The following CAND1 variants were observed in gnomAD, a reference collection of about 807,000 sequenced individuals.
The protein encoded by CAND1 is cullin-associated NEDD8-dissociated protein 1.
In CAND1, 7 loss-of-function variants were observed where a neutral mutation model predicts 108.5. The observed-to-expected ratio is 0.06, with a 90% confidence interval of 0.04 to 0.12. The LOEUF (loss-of-function observed/expected upper bound fraction) is 0.12. CAND1 is among the 10% of genes least tolerant of loss of function. The probability of loss-of-function intolerance (pLI) is 1.00; values close to 1 mark genes in which losing one functional copy is unlikely to be tolerated. For synonymous variants in CAND1, 534 were observed against 512.0 expected (o/e 1.04, Z -0.58); for missense variants, 941 against 1,448.7 (o/e 0.65, Z 5.69).
chr12:67,312,495 C>A, intron 14 of CAND1, 111 bp from the exon 15 acceptor site: 2 of 603,294 alleles, frequency 3.3e-6, no homozygotes, highest in African/African-American at 1.9e-5. Context: ...TGTAATATGC[C>A]TTATGGACCT....
chr12:67,276,133 G>C (rs1391297001), intron 1 of CAND1, among the ~76,000 whole-genome samples: 1 of 152,030 alleles, frequency 6.6e-6, no homozygotes, highest in Non-Finnish European at 1.5e-5. Flanking sequence ...CTGGCCATTA[G>C]AATTTTCTTC....
intron 2 of CAND1, among the ~76,000 whole-genome samples, chr12:67,287,813 G>A (rs2044685547): frequency 6.9e-6 from 1 of 145,594 alleles, no homozygotes; most frequent in Non-Finnish European, 1.5e-5. Context: ...ACAAATTTGG[G>A]TATATTCATT....
rs993623317 is a variant in CAND1, at chr12:67,292,548, C to T, written c.213-74C>T. On this transcript the variant is annotated intron_variant, in intron 2 of 14. Coordinates refer to ENST00000545606, the MANE Select transcript of CAND1 (RefSeq NM_018448.5). ...TGAAAGTTCTAGGCGGAAAGGTTAA[C>T]ATTTCTACTTATGTATTTTCCTGTT... 2.8e-6 allele frequency: 3 copies of T among 1,062,540 alleles called. No homozygotes were observed. The African/African-American group carries it at 4.8e-5, about 17-fold the overall frequency. The allele number at this position is 1,062,540 out of a possible 1,614,324, so 65.8% of individuals were successfully genotyped here.
At chr12:67,301,180 G>A (rs2044821739) in intron 7 of CAND1, among the ~76,000 whole-genome samples, 1 of 152,104 alleles carries the variant, frequency 6.6e-6, no homozygotes, top group South Asian at 2.1e-4. Flanking sequence ...TGGTAAATAA[G>A]CAAACGTCTT....
At chr12:67,283,389 G>C (rs1439146589) in intron 2 of CAND1, among the ~76,000 whole-genome samples, 2 of 152,122 alleles carry the variant, frequency 1.3e-5, no homozygotes, top group African/African-American at 4.8e-5. Context: ...TTGGAGACCA[G>C]CATGGGCAAC....
Position 67,310,279 on chromosome 12 carries a change from A to G in CAND1, c.3323A>G (p.His1108Arg). The G allele has an allele frequency of 6.2e-7, 1 of 1,611,020 alleles. No homozygotes were observed. ...DRLDIFEFLNHVEDGLKDHYD... is the reference protein window; with the variant it reads ...DRLDIFEFLNRVEDGLKDHYD... ...CTTGATATCTTTGAATTTCTAAATC[A>G]TGTTGAAGATGGTTTGAAGGACCAT... The change falls in exon 13 of 15, where the codon CAT becomes CGT. Residue 1108 changes from histidine (H) to arginine (R), a missense_variant. By Grantham distance (29) the His-to-Arg change is conservative. Around this residue, in one of 9 missense-constraint regions of CAND1, gnomAD observed 5 missense variants for 34.6 expected, o/e 0.14. Coordinates refer to ENST00000545606, the MANE Select transcript of CAND1 (RefSeq NM_018448.5).
intron 1 of CAND1, among the ~76,000 whole-genome samples, chr12:67,278,822 A>C (rs148937835): frequency 6.6e-6 from 1 of 152,224 alleles, no homozygotes; most frequent in Non-Finnish European, 1.5e-5. Context: ...ACCTGGCCCC[A>C]TAGTGTTTTC....
chr12:67,285,301 A>G (rs2044659820), intron 2 of CAND1, among the ~76,000 whole-genome samples: 2 of 152,196 alleles, frequency 1.3e-5, no homozygotes, highest in Admixed American at 1.3e-4. Context: ...GCAGAGAGAT[A>G]TTTCATGTCC....
chr12:67,292,818 G>A lies in CAND1; in HGVS notation c.367+42G>A, dbSNP rs773346463. 7 of 1,601,392 alleles carry A rather than the reference G, an allele frequency of 4.4e-6. No individual in the cohort carries two copies. The African/African-American group carries it at 6.7e-5, about 15-fold the overall frequency. On this transcript the variant is annotated intron_variant, in intron 3 of 14. Transcript: ENST00000545606. ...TTTTCTTCCTATTTCTTTTTGTGTGGAGGTATTTCTCCCCACCCTTTTTTC... is the reference window on the plus strand; with the variant it reads ...TTTTCTTCCTATTTCTTTTTGTGTGAAGGTATTTCTCCCCACCCTTTTTTC...
At position 67,290,283 on chromosome 12, in the gene CAND1, G is replaced by A. The variant is rs149057878; in HGVS notation, c.213-2339G>A. 2.6e-3 allele frequency among the ~76,000 whole-genome samples: 389 copies of A among 152,248 alleles called. 3 individuals carry two copies. Among genetic ancestry groups the A allele is most frequent in the African/African-American group, 9.2e-3 (382 of 41,516 alleles). On this transcript the variant is annotated intron_variant, in intron 2 of 14. Transcript: ENST00000545606. ...CCCAGCACTTTGGAAGGCCAAGGCG[G>A]GTGGATCACTTGAGGTCAGGAGTTC...
chr12:67,307,379 C>T lies in CAND1; in HGVS notation c.2930-18C>T, dbSNP rs374617948. On this transcript the variant is annotated intron_variant, in intron 10 of 14. Transcript: ENST00000545606. The stretch of plus-strand genomic sequence containing the variant: ...AGTGGACTACATACCAATAGACTTG[C>T]AATTTATTTTTAACTAGGCTCATCA... 3.2e-5 allele frequency: 50 copies of T among 1,587,218 alleles called. No homozygotes were observed. The highest frequency in any genetic ancestry group is 4.0e-5 in the Non-Finnish European group (46 of 1,158,076).
Position 67,305,319 on chromosome 12 carries a change from C to T in CAND1, c.1651C>T (p.Arg551Cys), listed in dbSNP as rs2044869477. 5.0e-6 allele frequency: 8 copies of T among 1,614,102 alleles called. No homozygotes were observed. The highest frequency in any genetic ancestry group is 1.1e-5 in the South Asian group (1 of 91,080). ...LVTQQLVKVI[R>C]PLDQPSSFDA... Reference sequence around the variant, plus strand: ...TACTCAACAGCTTGTCAAAGTAATTCGTCCTTTAGATCAGCCTTCCTCGTT... The same window carrying T: ...TACTCAACAGCTTGTCAAAGTAATTTGTCCTTTAGATCAGCCTTCCTCGTT... The change falls in exon 10 of 15, where the codon CGT becomes TGT. Residue 551 changes from arginine (R) to cysteine (C), a missense_variant. Physicochemically the swap from Arg to Cys is radical, Grantham distance 180. Coordinates refer to ENST00000545606, the MANE Select transcript of CAND1 (RefSeq NM_018448.5). The surrounding 1 kb of genome is among the most constrained non-coding windows in gnomAD (Gnocchi z 4.4).
rs369499522 is a variant in CAND1, at chr12:67,306,374, A to G, written c.2706A>G (p.Gln902=). The change falls in exon 10 of 15, where the codon CAA becomes CAG. Residue 902 remains glutamine (Q), a synonymous_variant. Transcript: ENST00000545606. ...LPFVLQEITS[Q]PKRQYLLLHS... is the part of the protein sequence containing the mutation. ...TTGTCCTGCAAGAAATAACTAGTCA[A>G]CCCAAAAGGCAGTATCTTTTACTTC... 4.3e-6 allele frequency: 7 copies of G among 1,613,920 alleles called. No individual in the cohort carries two copies. The highest frequency in any genetic ancestry group is 2.2e-5 in the East Asian group (1 of 44,884).
intron 3 of CAND1, among the ~76,000 whole-genome samples, chr12:67,294,759 G>A (rs1490346365): frequency 6.6e-6 from 1 of 152,134 alleles, no homozygotes; most frequent in African/African-American, 2.4e-5. Context: ...TTATTGAAAA[G>A]CAGCCTGTTT....
chr12:67,308,252 G>GA (rs893327303), intron 11 of CAND1, among the ~76,000 whole-genome samples: 2 of 151,656 alleles, frequency 1.3e-5, no homozygotes, highest in East Asian at 1.9e-4. Flanking sequence ...GTGCCAGAAA[G>GA]AAAAAAAATA....
At chr12:67,301,263 T>G (rs2044822285) in intron 7 of CAND1, among the ~76,000 whole-genome samples, 1 of 152,076 alleles carries the variant, frequency 6.6e-6, no homozygotes, top group African/African-American at 2.4e-5. Flanking sequence ...GTTGGAAAAT[T>G]TTATTATTTT....
chr12:67,304,267 C>T (rs911041293), intron 8 of CAND1, among the ~76,000 whole-genome samples: 1 of 152,094 alleles, frequency 6.6e-6, no homozygotes, highest in Non-Finnish European at 1.5e-5. Flanking sequence ...GGATTACAGG[C>T]GTGAGCCACT....
At chr12:67,282,127 A>G in intron 2 of CAND1, 74 bp downstream of exon 2, 1 of 1,437,116 alleles carries the variant, frequency 7.0e-7, no homozygotes, top group Non-Finnish European at 9.7e-7. Flanking sequence ...TATGATAAGT[A>G]GTAAATTATC....
chr12:67,283,621 C>CAGTG (rs2044640825), intron 2 of CAND1, among the ~76,000 whole-genome samples: 1 of 151,422 alleles, frequency 6.6e-6, no homozygotes, highest in Non-Finnish European at 1.5e-5. Context: ...TGATACAGAT[C>CAGTG]AGTCAGTAAT....
Sources: allele counts gnomAD v4.1 joint callset (sites outside exome capture counted in the v4.1 genomes callset), GRCh38; gene constraint gnomAD v4.1.1; regional missense constraint gnomAD v4.1.1; non-coding constraint Gnocchi (gnomAD v3.1); transcripts MANE v1.5; gene names NCBI Gene and HGNC (gene_info 2026-07-23, HGNC 2026-07-21).